The following SUPV3L1 variants were observed in gnomAD, a reference collection of about 807,000 sequenced individuals.
The protein encoded by SUPV3L1 is ATP-dependent RNA helicase SUPV3L1, mitochondrial.
Under a neutral mutation model 70.0 loss-of-function variants are expected in SUPV3L1, and 35 were observed. That is an observed-to-expected ratio of 0.50 (90% CI 0.38 to 0.66). The LOEUF (loss-of-function observed/expected upper bound fraction) is 0.66, where lower values mean the gene tolerates loss of function less well. Ranked by LOEUF, SUPV3L1 falls within the 30% of genes least tolerant of loss-of-function variation. The pLI, the probability that SUPV3L1 is intolerant of heterozygous loss-of-function variation, is 0.00. For synonymous variants in SUPV3L1, 364 were observed against 341.9 expected (o/e 1.06, Z -0.71); for missense variants, 777 against 961.5 (o/e 0.81, Z 2.54).
Position 69,189,336 on chromosome 10 carries a change from T to G in SUPV3L1, c.642T>G (p.Thr214=), listed in dbSNP as rs1183733963. ...FHSGPTNSGK[T]YHAIQKYFSA... is the part of the protein sequence containing the mutation. ...CAGGCCCCACAAACAGTGGAAAGAC[T>G]TATCACGCAATCCAGAAATACTTCT... Residue 214 remains threonine, a synonymous_variant, in exon 5 of 15, where the codon ACT becomes ACG. Transcript: ENST00000359655. 3.7e-6 allele frequency: 6 copies of G among 1,614,042 alleles called. No individual in the cohort carries two copies. In the Admixed American group the frequency reaches 1.0e-4, roughly 27 times the overall value.
chr10:69,202,308 A>G (rs958812333), intron 11 of SUPV3L1, 131 bp from the exon 12 acceptor site: 7 of 600,022 alleles, frequency 1.2e-5, no homozygotes, highest in African/African-American at 7.5e-5. Flanking sequence ...CTTTTACTCA[A>G]ATTCTTGGCA....
rs1049949055 is a variant in SUPV3L1 at position 69,180,278 on chromosome 10, A to G, written c.-14A>G. On this transcript the variant is annotated 5_prime_UTR_variant, in exon 1 of 15. Transcript: ENST00000359655. ...TCCGCGGCTGCGCCAGACAGTGTAG[A>G]ACCTGCGGCCTCGATGTCCTTCTCC... The G allele has an allele frequency of 6.2e-6, 10 of 1,612,056 alleles. No individual in the cohort carries two copies. The highest frequency in any genetic ancestry group is 4.5e-5 in the East Asian group (2 of 44,870).
Position 69,208,814 on chromosome 10 carries a change from A to G in SUPV3L1, c.2140A>G (p.Lys714Glu). The change falls in exon 15 of 15, where the codon AAA (lysine) becomes GAA (glutamate). Residue 714 changes from lysine (K) to glutamate (E), a missense_variant. Physicochemically the swap from Lys to Glu is moderately conservative, Grantham distance 56. Coordinates refer to ENST00000359655, the MANE Select transcript of SUPV3L1 (RefSeq NM_003171.5). Reference sequence around the variant, plus strand: ...CCAAGCTAGAAGGACACGCGGCACCAAAGCTCTAGGGAGTAAAGCTACTGA... The same window carrying G: ...CCAAGCTAGAAGGACACGCGGCACCGAAGCTCTAGGGAGTAAAGCTACTGA... Reference protein sequence around the residue: ...KSQARRTRGTKALGSKATEPP... With the variant: ...KSQARRTRGTEALGSKATEPP... The G allele has an allele frequency of 6.2e-7, 1 of 1,614,200 alleles. No homozygotes were observed. Among genetic ancestry groups the G allele is most frequent in the Non-Finnish European group, 8.5e-7 (1 of 1,180,042 alleles).
At position 69,203,839 on chromosome 10, in the gene SUPV3L1, C is replaced by T. The variant is rs190214717; in HGVS notation, c.1776+796C>T. On this transcript the variant is annotated intron_variant, in intron 13 of 14. Coordinates refer to ENST00000359655, the MANE Select transcript of SUPV3L1 (RefSeq NM_003171.5). ...CTCCCTGGCTCAAGTGATCCTGCCA[C>T]CTCAGCCTCCCAAGTAGCTGGGACT... Among the ~76,000 whole-genome samples the T allele has an allele frequency of 3.6e-3, 542 of 152,008 alleles. 5 individuals are homozygous for T. The highest frequency in any genetic ancestry group is 0.012 in the African/African-American group (516 of 41,480).
chr10:69,184,522 T>G (rs1842161500), intron 1 of SUPV3L1, among the ~76,000 whole-genome samples: 2 of 150,708 alleles, frequency 1.3e-5, no homozygotes, highest in Admixed American at 1.3e-4. Context: ...GCAACAAGAG[T>G]GAAACACTGT....
At chr10:69,184,656 G>GAC (rs1842167427) in intron 1 of SUPV3L1, among the ~76,000 whole-genome samples, 1 of 88,550 alleles carries the variant, frequency 1.1e-5, no homozygotes, top group Non-Finnish European at 2.7e-5. Context: ...CACACACTGT[G>GAC]TGTGTATGTG....
At chr10:69,197,908 A>G (rs1842583642) in intron 8 of SUPV3L1, among the ~76,000 whole-genome samples, 1 of 152,160 alleles carries the variant, frequency 6.6e-6, no homozygotes, top group South Asian at 2.1e-4. Flanking sequence ...TCAGTTTTCA[A>G]GGAGAGATAG....
intron 4 of SUPV3L1, among the ~76,000 whole-genome samples, chr10:69,188,392 G>A (rs1589379150): frequency 6.6e-6 from 1 of 152,128 alleles, no homozygotes; most frequent in Non-Finnish European, 1.5e-5. Flanking sequence ...GGTGCAGTAC[G>A]GCTCATCCCA....
At chr10:69,201,416 A>G (rs1333886918) in intron 11 of SUPV3L1, among the ~76,000 whole-genome samples, 3 of 152,016 alleles carry the variant, frequency 2.0e-5, no homozygotes, top group Non-Finnish European at 2.9e-5. Context: ...CTAGATGTAT[A>G]TATCTATGTT....
At chr10:69,207,518 G>A (rs1342057910) in intron 13 of SUPV3L1, among the ~76,000 whole-genome samples, 1 of 152,028 alleles carries the variant, frequency 6.6e-6, no homozygotes, top group Non-Finnish European at 1.5e-5. Flanking sequence ...GTTTCTCCAT[G>A]TTGCCCCAGC....
Position 69,207,799 on chromosome 10 carries a change from A to G in SUPV3L1, c.1783A>G (p.Arg595Gly), listed in dbSNP as rs1424255667. The G allele has an allele frequency of 3.7e-6, 6 of 1,612,518 alleles. No homozygotes were observed. ...FVCSSLLQFA[R>G]QYSRNEPLTF... ...TTTCCTCTTTCTCTCTCAGTTTGCC[A>G]GGCAGTATAGCAGGAATGAGCCCCT... The change falls in exon 14 of 15, where the codon AGG (arginine) becomes GGG (glycine). Residue 595 changes from arginine to glycine, a missense_variant. Arg to Gly is a moderately radical substitution (Grantham distance 125). Coordinates refer to ENST00000359655, the MANE Select transcript of SUPV3L1 (RefSeq NM_003171.5).
chr10:69,203,096 C>G, intron 13 of SUPV3L1, 53 bp downstream of exon 13: 1 of 1,519,810 alleles, frequency 6.6e-7, no homozygotes, highest in East Asian at 2.3e-5. Context: ...ATGCAGGTTC[C>G]CCAAACAGTA....
intron 13 of SUPV3L1, among the ~76,000 whole-genome samples, chr10:69,204,884 G>A (rs967113692): frequency 1.3e-5 from 2 of 151,370 alleles, no homozygotes; most frequent in African/African-American, 2.4e-5. Context: ...AGCGATTCTC[G>A]TGCCTCAGCC....
chr10:69,203,925 A>G (rs951150902), intron 13 of SUPV3L1, among the ~76,000 whole-genome samples: 5 of 151,736 alleles, frequency 3.3e-5, no homozygotes, highest in Admixed American at 3.3e-4. Flanking sequence ...AGATCTCTCT[A>G]TGTTACCCAG....
chr10:69,197,427 A>G (rs1842570936), intron 8 of SUPV3L1, among the ~76,000 whole-genome samples: 1 of 152,194 alleles, frequency 6.6e-6, no homozygotes, highest in Non-Finnish European at 1.5e-5. Context: ...TGTATGTCAG[A>G]TATTGGGGCC....
intron 13 of SUPV3L1, among the ~76,000 whole-genome samples, chr10:69,204,914 C>T (rs561127272): frequency 4.3e-4 from 66 of 152,068 alleles, no homozygotes; most frequent in African/African-American, 1.5e-3. Flanking sequence ...TCTGGGATTA[C>T]AGGCATGTGC....
At position 69,189,325 on chromosome 10, in the gene SUPV3L1, A is replaced by G; in HGVS notation, c.631A>G (p.Ser211Gly). The change falls in exon 5 of 15, where the codon AGT becomes GGT. Residue 211 changes from serine (S) to glycine (G), a missense_variant. Coordinates refer to ENST00000359655, the MANE Select transcript of SUPV3L1 (RefSeq NM_003171.5). ...AATATTTCATTCAGGCCCCACAAACAGTGGAAAGACTTATCACGCAATCCA... is the reference window on the plus strand; with the variant it reads ...AATATTTCATTCAGGCCCCACAAACGGTGGAAAGACTTATCACGCAATCCA... Reference protein sequence around the residue: ...KIIFHSGPTNSGKTYHAIQKY... With the variant: ...KIIFHSGPTNGGKTYHAIQKY... The G allele has an allele frequency of 6.2e-7, 1 of 1,614,126 alleles. No homozygotes were observed. The highest frequency in any genetic ancestry group is 2.2e-5 in the East Asian group (1 of 44,876).
intron 5 of SUPV3L1, 142 bp downstream of exon 5, chr10:69,189,577 G>T (rs1263968352): frequency 1.3e-5 from 10 of 747,822 alleles, no homozygotes; most frequent in Non-Finnish European, 1.7e-5. Context: ...ATTGTAAGAT[G>T]TACCATTATT....
chr10:69,188,720 A>T (rs185944735), intron 4 of SUPV3L1, among the ~76,000 whole-genome samples: 29 of 152,216 alleles, frequency 1.9e-4, no homozygotes, highest in Admixed American at 1.6e-3. Flanking sequence ...GCTGGTCTCG[A>T]GCTCCTGACC....
Sources: allele counts gnomAD v4.1 joint callset (sites outside exome capture counted in the v4.1 genomes callset), GRCh38; gene constraint gnomAD v4.1.1; transcripts MANE v1.5; gene names NCBI Gene and HGNC (gene_info 2026-07-23, HGNC 2026-07-21).